Variants in NRXN3 observed in about 807,000 individuals in gnomAD.
The protein encoded by NRXN3 is neurexin III.
In NRXN3, 32 loss-of-function variants were observed where a neutral mutation model predicts 137.6. The observed-to-expected ratio is 0.23, with a 90% CI of 0.18 to 0.31. NRXN3 has a LOEUF of 0.31. Among genes scored for constraint, NRXN3 ranks in the 10% least tolerant of loss-of-function variants. The pLI, the probability that NRXN3 is intolerant of heterozygous loss-of-function variation, is 1.00. For synonymous variants in NRXN3, 798 were observed against 784.5 expected (o/e 1.02, Z -0.29); for missense variants, 1,574 against 2,062.5 (o/e 0.76, Z 4.59).
intron 16 of NRXN3, among the ~76,000 whole-genome samples, chr14:79,552,184 G>A (rs1265094580): frequency 1.3e-5 from 2 of 152,164 alleles, no homozygotes; most frequent in East Asian, 1.9e-4. Flanking sequence ...TATAAGACAA[G>A]AGAAGGATAA....
intron 15 of NRXN3, among the ~76,000 whole-genome samples, chr14:79,143,442 C>A (rs977462227): frequency 1.4e-4 from 22 of 152,352 alleles, no homozygotes; most frequent in African/African-American, 5.3e-4. Flanking sequence ...TCCAGGCTTG[C>A]CTGTCTCATA....
At chr14:79,421,120 A>G (rs573690711) in intron 15 of NRXN3, among the ~76,000 whole-genome samples, 2 of 152,338 alleles carry the variant, frequency 1.3e-5, no homozygotes, top group African/African-American at 4.8e-5. Flanking sequence ...AAAGAGGTAT[A>G]CATTATATTT....
chr14:79,229,918 T>A (rs2071827337), intron 15 of NRXN3, among the ~76,000 whole-genome samples: 1 of 152,034 alleles, frequency 6.6e-6, no homozygotes, highest in African/African-American at 2.4e-5. Flanking sequence ...AGGCTTCCTA[T>A]CAGCTCTCCC....
In NRXN3 at chr14:78,966,237, G is replaced by C. The variant is rs769552092; in HGVS notation, c.2608G>C (p.Ala870Pro). The change falls in exon 12 of 21, where the codon GCT becomes CCT. Residue 870 changes from alanine to proline, a missense_variant. Around this residue, in one of 5 missense-constraint regions of NRXN3, gnomAD observed 718 missense variants for 887.6 expected, o/e 0.81. Transcript: ENST00000335750. ...TCGTTTTGGACTGAGGAACATCATCGCTGACCCTGTCACCTTTAAGACCAA... is the reference window on the plus strand; with the variant it reads ...TCGTTTTGGACTGAGGAACATCATCCCTGACCCTGTCACCTTTAAGACCAA... ...KARFGLRNII[A>P]DPVTFKTKSS... The C allele has an allele frequency of 3.7e-6, 6 of 1,613,980 alleles. No individual in the cohort carries two copies. The highest frequency in any genetic ancestry group is 5.1e-6 in the Non-Finnish European group (6 of 1,180,022).
intron 10 of NRXN3, among the ~76,000 whole-genome samples, chr14:78,890,144 T>A (rs902041701): frequency 1.3e-5 from 2 of 152,052 alleles, no homozygotes; most frequent in Non-Finnish European, 2.9e-5. Context: ...GAGAAAAAAA[T>A]TTCTGTTGTT....
At chr14:78,658,770 C>T (rs1224974574) in intron 6 of NRXN3, among the ~76,000 whole-genome samples, 2 of 152,074 alleles carry the variant, frequency 1.3e-5, no homozygotes, top group African/African-American at 2.4e-5. Context: ...ATCTTTATTC[C>T]ATTAAGGAAG....
At chr14:79,782,888 G>A (rs905500777) in intron 19 of NRXN3, among the ~76,000 whole-genome samples, 15 of 152,216 alleles carry the variant, frequency 9.9e-5, no homozygotes, top group Admixed American at 7.2e-4. Context: ...CCAGAGATAC[G>A]AATTTTGGCC....
chr14:78,215,411 T>G (rs955625740), intron 1 of NRXN3, among the ~76,000 whole-genome samples: 2 of 152,024 alleles, frequency 1.3e-5, no homozygotes, highest in Non-Finnish European at 2.9e-5. Context: ...GCTCCATCAG[T>G]CTTCATGAAC....
intron 4 of NRXN3, among the ~76,000 whole-genome samples, chr14:78,377,122 T>C (rs2088010599): frequency 6.6e-6 from 1 of 152,110 alleles, no homozygotes; most frequent in East Asian, 1.9e-4. Flanking sequence ...ATTAAAGAGA[T>C]TGGGAGAAAG....
At chr14:79,205,239 T>C (rs79237975) in intron 15 of NRXN3, among the ~76,000 whole-genome samples, 4,765 of 152,278 alleles carry the variant, frequency 0.031, 222 homozygotes, top group East Asian at 0.17. Context: ...AACCGAATTT[T>C]ATGGTGGCTC....
chr14:79,124,986 G>A (rs57112832), intron 15 of NRXN3, among the ~76,000 whole-genome samples: 6,494 of 152,114 alleles, frequency 0.043, 515 homozygotes, highest in African/African-American at 0.15. Context: ...CTGCAGTTCA[G>A]GCTAATGTTT....
intron 15 of NRXN3, among the ~76,000 whole-genome samples, chr14:79,371,721 G>A (rs2153435512): frequency 6.6e-6 from 1 of 152,192 alleles, no homozygotes; most frequent in African/African-American, 2.4e-5. Flanking sequence ...TTGGATGGCA[G>A]TGAACGTATA....
intron 15 of NRXN3, among the ~76,000 whole-genome samples, chr14:79,174,716 G>A (rs1596825100): frequency 6.6e-6 from 1 of 151,158 alleles, no homozygotes; most frequent in East Asian, 1.9e-4. Flanking sequence ...ATCCCTATCA[G>A]GGACTATTAT....
chr14:78,177,219 C>T (rs947353356), intron 1 of NRXN3, among the ~76,000 whole-genome samples: 1 of 152,134 alleles, frequency 6.6e-6, no homozygotes, highest in African/African-American at 2.4e-5. Context: ...CAGACATTGG[C>T]CCCAGTGTGC....
At chr14:78,678,540 T>A (rs2098035843) in intron 6 of NRXN3, among the ~76,000 whole-genome samples, 1 of 152,130 alleles carries the variant, frequency 6.6e-6, no homozygotes, top group South Asian at 2.1e-4. Context: ...AAGCTGGATG[T>A]TTATAACTTT....
At chr14:79,342,261 G>C (rs2092646421) in intron 15 of NRXN3, among the ~76,000 whole-genome samples, 2 of 152,184 alleles carry the variant, frequency 1.3e-5, no homozygotes, top group African/African-American at 4.8e-5. Flanking sequence ...TCAGACTGTT[G>C]ATGCTGGGTT....
At position 79,677,906 on chromosome 14, in the gene NRXN3, A is replaced by G. The variant is rs116023294; in HGVS notation, c.3616+13957A>G. Among the ~76,000 whole-genome samples the G allele has an allele frequency of 5.4e-3, 825 of 152,206 alleles. 9 individuals are homozygous for G. The highest frequency in any genetic ancestry group is 0.019 in the African/African-American group (772 of 41,526). On this transcript the variant is annotated intron_variant, in intron 17 of 20. Coordinates refer to ENST00000335750, the MANE Select transcript of NRXN3 (RefSeq NM_001330195.2). ...TTCCTAGTGGTCTTGTTGAAATGAG[A>G]TAGTGGTTGTAGGTATCATTGATGA... is the stretch of plus-strand genomic sequence containing the variant.
chr14:78,993,218 T>A (rs2099522517), intron 15 of NRXN3, among the ~76,000 whole-genome samples: 1 of 152,194 alleles, frequency 6.6e-6, no homozygotes, highest in South Asian at 2.1e-4. Context: ...TTTATTTTTT[T>A]AATGTAGGTT....
At chr14:79,283,539 T>C (rs1598286769) in intron 15 of NRXN3, among the ~76,000 whole-genome samples, 1 of 152,206 alleles carries the variant, frequency 6.6e-6, no homozygotes, top group Non-Finnish European at 1.5e-5. Context: ...GGTTATATTA[T>C]AGATTTGCTT....
Sources: allele counts gnomAD v4.1 joint callset (sites outside exome capture counted in the v4.1 genomes callset), GRCh38; gene constraint gnomAD v4.1.1; regional missense constraint gnomAD v4.1.1; transcripts MANE v1.5; gene names NCBI Gene and HGNC (gene_info 2026-07-23, HGNC 2026-07-21).